CROCC: variants seen among roughly 807,000 people sequenced by gnomAD.
CROCC encodes ciliary rootlet coiled-coil, rootletin.
A neutral mutation model predicts 245.2 loss-of-function variants in CROCC; 180 were observed. That is an observed-to-expected ratio of 0.73 (90% CI 0.65 to 0.83). The LOEUF (loss-of-function observed/expected upper bound fraction) is 0.83. CROCC is among the 40% of genes least tolerant of loss of function. The pLI is 0.00. For synonymous variants in CROCC, 1,205 were observed against 1,241.6 expected, an observed-to-expected ratio of 0.97 and a Z score of 0.62; for missense variants, 2,688 against 2,779.4, an observed-to-expected ratio of 0.97 and a Z score of 0.74.
chr1:16,924,303 T>C, intron 2 of CROCC, 22 bp from the exon 3 acceptor site: 1 of 1,606,772 alleles, frequency 6.2e-7, no homozygotes, highest in Non-Finnish European at 8.5e-7. Flanking sequence ...AAGCCAACCA[T>C]GTGCCCACTG....
rs1338470108 is a variant in CROCC, at chr1:16,958,639, G to A, written c.3921G>A (p.Gln1307=). The change falls in exon 26 of 37, where the codon CAG becomes CAA. Residue 1307 remains glutamine (Q), a synonymous_variant. Transcript: ENST00000375541. ...TGGGCCGGGAGCTGGCGGAGCTGCA[G>A]GGCCGCCTGGCGCTGGGCGAGCGGG... ...TRLGRELAEL[Q]GRLALGERAE... 6 of 1,555,914 alleles carry A rather than the reference G, an allele frequency of 3.9e-6. No homozygotes were observed. Among genetic ancestry groups the A allele is most frequent in the Non-Finnish European group, 5.2e-6 (6 of 1,150,284 alleles).
chr1:16,956,635 G>A (rs1373666317), intron 25 of CROCC, among the ~76,000 whole-genome samples: 1 of 151,900 alleles, frequency 6.6e-6, no homozygotes, highest in African/African-American at 2.4e-5. Flanking sequence ...ACTTTGTTTA[G>A]GGACACTGAA....
chr1:16,934,728 CACCTCTG>C, intron 8 of CROCC, among the ~76,000 whole-genome samples: 1 of 152,372 alleles, frequency 6.6e-6, no homozygotes, highest in Middle Eastern at 3.4e-3. Flanking sequence ...GGCTCCCTCT[CACCTCTG>C]ACCCCAGATA....
intron 13 of CROCC, among the ~76,000 whole-genome samples, chr1:16,943,373 C>T (rs1232885086): frequency 6.6e-6 from 1 of 152,202 alleles, no homozygotes; most frequent in Non-Finnish European, 1.5e-5. Context: ...CCCATCTCTA[C>T]TAAAAATACA....
At chr1:16,926,011 TG>T (rs2075527201) in intron 3 of CROCC, among the ~76,000 whole-genome samples, 1 of 152,242 alleles carries the variant, frequency 6.6e-6, no homozygotes, top group South Asian at 2.1e-4. Flanking sequence ...GCCCCCAGGT[TG>T]GCAGGGAAGG....
chr1:16,941,951 C>G lies in CROCC; in HGVS notation c.1808+1858C>G, dbSNP rs542289890. On this transcript the variant is annotated intron_variant, in intron 13 of 36. Transcript: ENST00000375541. ...TCCTGGCCTCAAGTGATTCCCCTGC[C>G]TCGGCCTCCAAAAATGCTGGGATTA... Among the ~76,000 whole-genome samples the G allele has an allele frequency of 1.5e-4, 23 of 152,344 alleles. No individual in the cohort carries two copies. In the South Asian group the frequency reaches 4.1e-3, roughly 27 times the overall value.
chr1:16,938,079 GC>G (rs1188517437), intron 10 of CROCC, among the ~76,000 whole-genome samples: 10 of 152,250 alleles, frequency 6.6e-5, no homozygotes, highest in African/African-American at 2.2e-4. Flanking sequence ...CAACCTAGCT[GC>G]CCCCCACCCC....
chr1:16,958,454 C>T, intron 25 of CROCC, 129 bp from the exon 26 acceptor site: 1 of 1,146,950 alleles, frequency 8.7e-7, no homozygotes, highest in Non-Finnish European at 1.2e-6. Context: ...TAGGGGCCGG[C>T]TCCCAGTGGA....
chr1:16,931,522 A>G (rs1488556040), intron 8 of CROCC, 125 bp downstream of exon 8: 12 of 847,328 alleles, frequency 1.4e-5, no homozygotes, highest in Non-Finnish European at 2.3e-5. Context: ...GTGAGGACAC[A>G]GAGGCAACTT....
rs770195959 is a variant in CROCC at position 16,954,848 on chromosome 1, G to A, written c.3436G>A (p.Gly1146Ser). Residue 1146 changes from glycine to serine, a missense_variant, in exon 23 of 37, where the codon GGC becomes AGC. Gly to Ser is a moderately conservative substitution (Grantham distance 56). Coordinates refer to ENST00000375541, the MANE Select transcript of CROCC (RefSeq NM_014675.5). This position sits in a 1 kb window ranked among gnomAD's most constrained non-coding sequence, Gnocchi z 4.4. Reference sequence around the variant, plus strand: ...GCTGCAAGAGCAGGCCCGAGACCTGGGCAAGCAGCGGGACTCCTGTCTTCG... The same window carrying A: ...GCTGCAAGAGCAGGCCCGAGACCTGAGCAAGCAGCGGGACTCCTGTCTTCG... ...RRLQEQARDL[G>S]KQRDSCLREA... 14 of 1,542,838 alleles carry A rather than the reference G, an allele frequency of 9.1e-6. No individual in the cohort carries two copies. In the Admixed American group the frequency reaches 2.3e-4, roughly 26 times the overall value.
In CROCC at chr1:16,945,392, A is replaced by G. The variant is rs2076021967; in HGVS notation, c.1992-70A>G. ...CCTCAGGCCTGGTCCCCAGCCCAGC[A>G]TCTCGCTGGCTACAGGAGGTTCGGG... On this transcript the variant is annotated intron_variant, in intron 14 of 36. Coordinates refer to ENST00000375541, the MANE Select transcript of CROCC (RefSeq NM_014675.5). The G allele has an allele frequency of 5.0e-6, 8 of 1,598,344 alleles. No homozygotes were observed. In the South Asian group the frequency reaches 6.8e-5, roughly 14 times the overall value.
At chr1:16,935,040 C>T (rs2075758840) in intron 8 of CROCC, among the ~76,000 whole-genome samples, 1 of 152,214 alleles carries the variant, frequency 6.6e-6, no homozygotes. Context: ...GCTGGGATTA[C>T]AGGCATGAGC....
chr1:16,914,179 A>G (rs1400889001), intron 1 of CROCC, among the ~76,000 whole-genome samples: 1 of 151,524 alleles, frequency 6.6e-6, no homozygotes, highest in African/African-American at 2.4e-5. Flanking sequence ...GGCGGGACGG[A>G]CGCGCTCCCG....
chr1:16,956,845 A>G (rs2076257252), intron 25 of CROCC, among the ~76,000 whole-genome samples: 1 of 152,196 alleles, frequency 6.6e-6, no homozygotes, highest in South Asian at 2.1e-4. Context: ...ACTCAACAGC[A>G]GCATGTATTG....
intron 3 of CROCC, among the ~76,000 whole-genome samples, chr1:16,926,522 C>T (rs909573004): frequency 1.3e-5 from 2 of 152,270 alleles, no homozygotes; most frequent in African/African-American, 2.4e-5. Context: ...TCTGATCTTT[C>T]CAACCCTGCA....
chr1:16,942,522 C>T (rs560587090), intron 13 of CROCC, among the ~76,000 whole-genome samples: 10 of 152,402 alleles, frequency 6.6e-5, no homozygotes, highest in South Asian at 2.1e-4. Context: ...AGATAGCAAA[C>T]GTTTCCTGCA....
chr1:16,914,702 C>T (rs1248394276), intron 1 of CROCC, among the ~76,000 whole-genome samples: 13 of 152,236 alleles, frequency 8.5e-5, no homozygotes, highest in Non-Finnish European at 1.8e-4. Context: ...ACCATGCGGC[C>T]TCAGGCCTCT....
In CROCC at chr1:16,966,052, G is replaced by C. The variant is rs1483591205; in HGVS notation, c.4629G>C (p.Glu1543Asp). 1 of 1,614,002 alleles carries C rather than the reference G, an allele frequency of 6.2e-7. No homozygotes were observed. Among genetic ancestry groups the C allele is most frequent in the Non-Finnish European group, 8.5e-7 (1 of 1,179,888 alleles). ...SALNRQLAEM[E>D]AERDSATSRA... ...TGAATCGCCAGCTGGCCGAGATGGA[G>C]GCTGAGAGGGACAGCGCAACCTCGA... Residue 1543 changes from glutamate to aspartate, a missense_variant, in exon 29 of 37, where the codon GAG becomes GAC. Coordinates refer to ENST00000375541, the MANE Select transcript of CROCC (RefSeq NM_014675.5). The surrounding 1 kb of genome is among the most constrained non-coding windows in gnomAD (Gnocchi z 4.8).
Position 16,970,316 on chromosome 1 carries a change from G to C in CROCC, c.5515G>C (p.Glu1839Gln), listed in dbSNP as rs572688461. 1.5e-4 allele frequency: 230 copies of C among 1,585,164 alleles called. No individual in the cohort carries two copies. Among genetic ancestry groups the C allele is most frequent in the Middle Eastern group, 1.0e-3 (6 of 6,026 alleles). ...ALNTVQKLQDERRLLQERLGS... is the reference protein window; with the variant it reads ...ALNTVQKLQDQRRLLQERLGS... ...GAACACCGTCCAGAAGCTGCAAGAC[G>C]AGCGGCGGCTGCTGCAGGAGCGCCT... The change falls in exon 34 of 37, where the codon GAG becomes CAG. Residue 1839 changes from glutamate to glutamine, a missense_variant. Physicochemically the swap from Glu to Gln is conservative, Grantham distance 29. Around this residue, in one of 9 missense-constraint regions of CROCC, gnomAD observed 1,218 missense variants for 1,286.3 expected, o/e 0.95. Transcript: ENST00000375541.
Sources: allele counts gnomAD v4.1 joint callset (sites outside exome capture counted in the v4.1 genomes callset), GRCh38; gene constraint gnomAD v4.1.1; regional missense constraint gnomAD v4.1.1; non-coding constraint Gnocchi (gnomAD v3.1); transcripts MANE v1.5; gene names NCBI Gene and HGNC (gene_info 2026-07-23, HGNC 2026-07-21).